TTC28: variants seen among roughly 807,000 people sequenced by gnomAD.
TTC28 encodes tetratricopeptide repeat protein 28.
A neutral mutation model predicts 198.0 loss-of-function variants in TTC28; 61 were observed. The ratio of observed to expected loss-of-function variants is 0.31; its 90% confidence interval spans 0.25 to 0.38. The LOEUF (loss-of-function observed/expected upper bound fraction) is 0.38. TTC28 is among the 10% of genes least tolerant of loss of function. The pLI, the probability that TTC28 is intolerant of heterozygous loss-of-function variation, is 1.00. For missense variants in TTC28, 2,678 were observed against 3,164.0 expected (o/e 0.85, Z 3.69); for synonymous variants, 1,171 against 1,297.8 (o/e 0.90, Z 2.10).
At chr22:28,572,573 A>T (rs569481552) in intron 2 of TTC28, among the ~76,000 whole-genome samples, 1 of 152,336 alleles carries the variant, frequency 6.6e-6, no homozygotes, top group East Asian at 1.9e-4. Context: ...TTATTAAAAA[A>T]TTTTGAAAAC....
At chr22:28,221,050 A>G (rs1375356244) in intron 5 of TTC28, among the ~76,000 whole-genome samples, 1 of 152,196 alleles carries the variant, frequency 6.6e-6, no homozygotes, top group Non-Finnish European at 1.5e-5. Context: ...AACTTTAAGA[A>G]TTAACAGGGA....
intron 2 of TTC28, among the ~76,000 whole-genome samples, chr22:28,421,526 A>C (rs1324955146): frequency 6.6e-6 from 1 of 152,214 alleles, no homozygotes; most frequent in Non-Finnish European, 1.5e-5. Flanking sequence ...TATATGTATT[A>C]GTAATAATTA....
chr22:28,510,810 T>G (rs1056119675), intron 2 of TTC28, among the ~76,000 whole-genome samples: 5 of 151,992 alleles, frequency 3.3e-5, no homozygotes, highest in Middle Eastern at 3.2e-3. Flanking sequence ...CCACAAAGTC[T>G]CAGAATACAA....
chr22:28,544,834 C>T (rs769653867), intron 2 of TTC28, among the ~76,000 whole-genome samples: 1 of 152,096 alleles, frequency 6.6e-6, no homozygotes, highest in African/African-American at 2.4e-5. Context: ...TGGAAGTTAC[C>T]CTATATGGTC....
rs1409671720 is a variant in TTC28, at chr22:28,413,381, T to C, written c.382-106738A>G. On this transcript the variant is annotated intron_variant, in intron 2 of 22. Transcript: ENST00000397906. ...TGAAGCTGGGAGGCGGGGCTTGCAG[T>C]GAGCCTAGATTGCGCGACTGAGCGA... Among the ~76,000 whole-genome samples, 2 of 152,036 alleles carry C rather than the reference T, an allele frequency of 1.3e-5. 1 individual carries two copies. Among genetic ancestry groups the C allele is most frequent in the Non-Finnish European group, 2.9e-5 (2 of 68,000 alleles).
chr22:28,526,218 C>T (rs1053514505), intron 2 of TTC28, among the ~76,000 whole-genome samples: 3 of 152,090 alleles, frequency 2.0e-5, no homozygotes, highest in Non-Finnish European at 4.4e-5. Context: ...AGTCTTAAAG[C>T]TGAAATAAGA....
In TTC28 at chr22:27,985,265, G is replaced by C. The variant is rs1937171563; in HGVS notation, c.5799C>G (p.Ser1933=). Residue 1933 remains serine, a synonymous_variant, in exon 22 of 23, where the codon TCC becomes TCG. Transcript: ENST00000397906. The part of the protein sequence containing the change: ...NRRTVHFALQ[S]LLSLFDSTEL... ...GGCTCTTACCAAACAGAGACAGCAG[G>C]GACTGGAGCGCGAAGTGCACAGTCC... The C allele has an allele frequency of 6.4e-7, 1 of 1,551,348 alleles. No individual in the cohort carries two copies. The highest frequency in any genetic ancestry group is 8.7e-7 in the Non-Finnish European group (1 of 1,146,820).
chr22:28,139,004 T>C (rs1943264105), intron 6 of TTC28, among the ~76,000 whole-genome samples: 1 of 151,716 alleles, frequency 6.6e-6, no homozygotes, highest in Non-Finnish European at 1.5e-5. Flanking sequence ...TGTTAACTAT[T>C]AGGATTGTAT....
intron 6 of TTC28, among the ~76,000 whole-genome samples, chr22:28,126,584 T>C (rs1942919004): frequency 6.6e-6 from 1 of 152,196 alleles, no homozygotes; most frequent in Non-Finnish European, 1.5e-5. Flanking sequence ...TGTGCCTTAT[T>C]CTTCTAGTGG....
chr22:28,368,019 T>C (rs962379554), intron 2 of TTC28, among the ~76,000 whole-genome samples: 12 of 151,978 alleles, frequency 7.9e-5, no homozygotes, highest in African/African-American at 2.7e-4. Context: ...AAACTGTTCC[T>C]AAAAATAGAG....
chr22:28,207,938 T>C (rs1339332450), intron 5 of TTC28, among the ~76,000 whole-genome samples: 1 of 152,184 alleles, frequency 6.6e-6, no homozygotes, highest in African/African-American at 2.4e-5. Context: ...ATGAGGTTTG[T>C]CTCAAGAAGC....
At chr22:28,537,740 ACT>A (rs1158764015) in intron 2 of TTC28, among the ~76,000 whole-genome samples, 1 of 152,238 alleles carries the variant, frequency 6.6e-6, no homozygotes, top group East Asian at 1.9e-4. Flanking sequence ...GCTGGTTAAC[ACT>A]CTATTAACAA....
intron 2 of TTC28, among the ~76,000 whole-genome samples, chr22:28,521,206 C>G (rs1011682781): frequency 7.9e-5 from 12 of 151,392 alleles, no homozygotes; most frequent in African/African-American, 2.7e-4. Context: ...CAGGACCAAC[C>G]TGCACAACAT....
In TTC28 at chr22:28,552,879, C is replaced by T. The variant is rs568011885; in HGVS notation, c.381+76673G>A. On this transcript the variant is annotated intron_variant, in intron 2 of 22. Coordinates refer to ENST00000397906, the MANE Select transcript of TTC28 (RefSeq NM_001145418.2). ...CTGCCGCCATCTCAGCTCACTGCAA[C>T]CTCCCTGCCTGATTCCCCTGCCTCA... is the stretch of plus-strand genomic sequence containing the variant. 2.5e-3 allele frequency among the ~76,000 whole-genome samples: 384 copies of T among 151,858 alleles called. 1 individual carries two copies. The highest frequency in any genetic ancestry group is 4.4e-3 in the Non-Finnish European group (302 of 67,940).
chr22:28,179,555 A>G (rs5762511), intron 5 of TTC28, among the ~76,000 whole-genome samples: 131,571 of 152,188 alleles, frequency 0.86, 57,137 homozygotes, highest in African/African-American at 0.94. Context: ...AGGTGTGGGC[A>G]GCTATGTGAC....
At chr22:28,063,511 C>A (rs1010726494) in intron 12 of TTC28, among the ~76,000 whole-genome samples, 4 of 152,176 alleles carry the variant, frequency 2.6e-5, no homozygotes, top group African/African-American at 4.8e-5. Context: ...GACCTTCAGG[C>A]GGTTGGTATT....
intron 2 of TTC28, among the ~76,000 whole-genome samples, chr22:28,310,576 C>T (rs1041817488): frequency 6.6e-6 from 1 of 152,098 alleles, no homozygotes; most frequent in African/African-American, 2.4e-5. Context: ...TAATATTCTA[C>T]TCTCCCTTGG....
intron 2 of TTC28, among the ~76,000 whole-genome samples, chr22:28,478,333 C>T (rs1259687565): frequency 6.6e-6 from 1 of 152,016 alleles, no homozygotes; most frequent in East Asian, 1.9e-4. Flanking sequence ...CACGGCGAAA[C>T]CCCACCTCTA....
rs1212682439 is a variant in TTC28 at position 27,993,437 on chromosome 22, C to T, written c.5326G>A (p.Gly1776Ser). 6.4e-6 allele frequency: 10 copies of T among 1,551,520 alleles called. No homozygotes were observed. The highest frequency in any genetic ancestry group is 1.7e-6 in the Non-Finnish European group (2 of 1,147,014). The part of the protein sequence containing the change: ...TSQQSVENKV[G>S]GIPGWQALLT... Reference sequence around the variant, plus strand: ...AGGGCCTGCCAGCCAGGGATGCCGCCCACTTTGTTCTCCACACTCTGCTGG... The same window carrying T: ...AGGGCCTGCCAGCCAGGGATGCCGCTCACTTTGTTCTCCACACTCTGCTGG... The change falls in exon 18 of 23, where the codon GGC becomes AGC. Residue 1776 changes from glycine to serine, a missense_variant. Physicochemically the swap from Gly to Ser is moderately conservative, Grantham distance 56. Transcript: ENST00000397906.
Sources: gnomAD v4.1 joint callset for allele counts (sites outside exome capture counted in the v4.1 genomes callset) on GRCh38, gnomAD v4.1.1 for gene constraint, MANE v1.5 for transcripts, NCBI Gene and HGNC (gene_info 2026-07-23, HGNC 2026-07-21) for gene names.